Variants in KIAA1328 observed in about 807,000 individuals in gnomAD.
KIAA1328 encodes the protein protein hinderin.
In KIAA1328, 52 loss-of-function variants were observed where a neutral mutation model predicts 68.1. That is an observed-to-expected ratio of 0.76 (90% CI 0.61 to 0.96). KIAA1328 has a LOEUF of 0.96. Among genes scored for constraint, KIAA1328 ranks in the 40% least tolerant of loss-of-function variants. The pLI, the probability that KIAA1328 is intolerant of heterozygous loss-of-function variation, is 0.00. For missense variants in KIAA1328, 641 were observed against 677.6 expected (o/e 0.95, Z 0.60); for synonymous variants, 232 against 239.4 (o/e 0.97, Z 0.28).
intron 7 of KIAA1328, among the ~76,000 whole-genome samples, chr18:37,118,008 C>CTTT (rs112710292): frequency 0.23 from 31,924 of 141,446 alleles, 5,273 homozygotes; most frequent in African/African-American, 0.46. Flanking sequence ...TGCTTTCTTT[C>CTTT]TTTTTTTTTT....
chr18:36,954,735 C>T (rs2051333664), intron 5 of KIAA1328, among the ~76,000 whole-genome samples: 1 of 149,354 alleles, frequency 6.7e-6, no homozygotes, highest in African/African-American at 2.5e-5. Flanking sequence ...GGTCTTGTTG[C>T]CCAGGCTGGA....
chr18:36,861,054 C>G (rs1480079681), intron 4 of KIAA1328, among the ~76,000 whole-genome samples: 1 of 152,052 alleles, frequency 6.6e-6, no homozygotes, highest in Non-Finnish European at 1.5e-5. Context: ...TCAGATTTGA[C>G]TAGTGTTTTT....
chr18:37,173,777 A>G (rs1238921097), intron 9 of KIAA1328, among the ~76,000 whole-genome samples: 1 of 152,232 alleles, frequency 6.6e-6, no homozygotes, highest in Admixed American at 6.5e-5. Context: ...CCCAAATTAC[A>G]AGTCTCAAGT....
intron 6 of KIAA1328, among the ~76,000 whole-genome samples, chr18:37,045,876 A>G (rs781485784): frequency 6.6e-6 from 1 of 152,230 alleles, no homozygotes. Flanking sequence ...GAACCAAGAT[A>G]AATGTTGGTT....
intron 5 of KIAA1328, among the ~76,000 whole-genome samples, chr18:36,949,800 T>G (rs1354319060): frequency 6.6e-6 from 1 of 150,828 alleles, no homozygotes; most frequent in Non-Finnish European, 1.5e-5. Flanking sequence ...TCTTTAAGTG[T>G]CCAGAGCATT....
At chr18:37,053,766 C>T (rs2055797434) in intron 6 of KIAA1328, among the ~76,000 whole-genome samples, 1 of 151,998 alleles carries the variant, frequency 6.6e-6, no homozygotes, top group Admixed American at 6.6e-5. Context: ...TGGGAGTAAC[C>T]ACCCCCATGA....
At chr18:36,988,908 A>G (rs1318267833) in intron 6 of KIAA1328, among the ~76,000 whole-genome samples, 1 of 152,218 alleles carries the variant, frequency 6.6e-6, no homozygotes, top group Admixed American at 6.5e-5. Flanking sequence ...TGTGATGAAT[A>G]TACCTAATAC....
chr18:36,844,340 A>G, intron 4 of KIAA1328, 38 bp downstream of exon 4: 1 of 1,332,808 alleles, frequency 7.5e-7, no homozygotes, highest in Non-Finnish European at 1.0e-6. Context: ...TTATTATACA[A>G]AAGACAACTC....
chr18:37,018,477 T>A (rs530043763), intron 6 of KIAA1328, among the ~76,000 whole-genome samples: 1 of 152,324 alleles, frequency 6.6e-6, no homozygotes, highest in East Asian at 1.9e-4. Flanking sequence ...TTCCAGGTGA[T>A]CTCTGGATTT....
chr18:36,835,437 A>G, intron 3 of KIAA1328, 61 bp downstream of exon 3: 1 of 1,473,146 alleles, frequency 6.8e-7, no homozygotes, highest in Middle Eastern at 1.8e-4. Context: ...TGCTGACCAA[A>G]AAGGGTAGAA....
At chr18:36,899,198 GT>G (rs139786376) in intron 5 of KIAA1328, among the ~76,000 whole-genome samples, 20,621 of 151,626 alleles carry the variant, frequency 0.14, 1,746 homozygotes, top group Admixed American at 0.18. Context: ...TTTTGTTCTT[GT>G]TTTTTTGCTT....
chr18:37,152,344 G>A (rs1013659077), intron 7 of KIAA1328, among the ~76,000 whole-genome samples: 1 of 152,052 alleles, frequency 6.6e-6, no homozygotes, highest in Non-Finnish European at 1.5e-5. Flanking sequence ...ACAGATAAAG[G>A]CTAGTTGGTA....
chr18:37,039,216 G>T (rs1470269351), intron 6 of KIAA1328, among the ~76,000 whole-genome samples: 4 of 151,874 alleles, frequency 2.6e-5, no homozygotes, highest in Non-Finnish European at 5.9e-5. Flanking sequence ...GGTAATACTT[G>T]TCTCTTATAA....
chr18:37,073,977 C>G (rs1465806416), intron 7 of KIAA1328, among the ~76,000 whole-genome samples: 2 of 152,122 alleles, frequency 1.3e-5, no homozygotes, highest in Admixed American at 1.3e-4. Context: ...GTGTGAGATA[C>G]TGATCTTGGT....
intron 6 of KIAA1328, among the ~76,000 whole-genome samples, chr18:37,034,918 A>T (rs1318732389): frequency 6.6e-6 from 1 of 152,240 alleles, no homozygotes; most frequent in Non-Finnish European, 1.5e-5. Context: ...ATGTGAATAG[A>T]GAGGAAAGCA....
chr18:37,172,886 CTA>C, intron 8 of KIAA1328, 85 bp from the exon 9 acceptor site: 2 of 944,402 alleles, frequency 2.1e-6, no homozygotes, highest in Non-Finnish European at 3.2e-6. Context: ...TTGGACATTC[CTA>C]TAATGTCTTA....
At chr18:37,201,821 C>G (rs145783675) in intron 9 of KIAA1328, among the ~76,000 whole-genome samples, 1 of 152,176 alleles carries the variant, frequency 6.6e-6, no homozygotes, top group Non-Finnish European at 1.5e-5. Flanking sequence ...ATTTACTTAT[C>G]TCAAGGTCAG....
intron 5 of KIAA1328, among the ~76,000 whole-genome samples, chr18:36,931,265 C>T (rs1283929139): frequency 6.6e-6 from 1 of 152,090 alleles, no homozygotes; most frequent in Non-Finnish European, 1.5e-5. Context: ...CTGTTAGGAA[C>T]CTGGCTGCAC....
chr18:37,060,017 G>C (rs1436447803), intron 6 of KIAA1328, among the ~76,000 whole-genome samples: 1 of 151,990 alleles, frequency 6.6e-6, no homozygotes, highest in Non-Finnish European at 1.5e-5. Context: ...GGGGGATGGG[G>C]GGCTAGGGGA....
Sources: allele counts gnomAD v4.1 joint callset (sites outside exome capture counted in the v4.1 genomes callset), GRCh38; gene constraint gnomAD v4.1.1; transcripts MANE v1.5; gene names NCBI Gene and HGNC (gene_info 2026-07-23, HGNC 2026-07-21).